DMD: variants seen among roughly 807,000 people sequenced by gnomAD.
DMD encodes mutant dystrophin.
Under a neutral mutation model 330.1 loss-of-function variants are expected in DMD, and 63 were observed. The observed-to-expected ratio is 0.19, with a 90% CI of 0.16 to 0.24. The LOEUF (loss-of-function observed/expected upper bound fraction) is 0.24, where lower values mean the gene tolerates loss of function less well. Ranked by LOEUF, DMD falls within the 10% of genes least tolerant of loss-of-function variation. The pLI is 1.00. For synonymous variants in DMD, 1,223 were observed against 959.8 expected, an observed-to-expected ratio of 1.27 and a Z score of -5.07; for missense variants, 3,344 against 2,684.1, an observed-to-expected ratio of 1.25 and a Z score of -5.43.
chrX:31,589,324 T>C (rs1212108772), intron 55 of DMD, among the ~76,000 whole-genome samples: 1 of 111,487 alleles, frequency 9.0e-6, no homozygotes, highest in Non-Finnish European at 1.9e-5. Flanking sequence ...CCTTTCTTCA[T>C]GCCTTCAGGC....
rs775899898 is a variant in DMD at position 31,182,813 on chromosome X, C to T, written c.9899G>A (p.Arg3300Lys). 8.3e-7 allele frequency: 1 copy of T among 1,209,225 alleles called. No homozygotes were observed. The highest frequency in any genetic ancestry group is 2.2e-5 in the Admixed American group (1 of 45,778). Residue 3300 changes from arginine (R) to lysine (K), a missense_variant, in exon 68 of 79, where the codon AGA (arginine) becomes AAA (lysine). Physicochemically the swap from Arg to Lys is conservative, Grantham distance 26. Coordinates refer to ENST00000357033, the MANE Select transcript of DMD (RefSeq NM_004006.3). ...QSMVWLPVLH[R>K]VAAAETAKHQ... ...CTTGGCAGTTTCTGCAGCAGCCACT[C>T]TGTGCAGGACGGGCAGCCACACCAT...
chrX:31,122,001 G>T, intron 78 of DMD, 71 bp from the exon 79 acceptor site: 1 of 835,630 alleles, frequency 1.2e-6, no homozygotes, highest in Non-Finnish European at 1.8e-6. Flanking sequence ...CTGTTTCTTT[G>T]CCATTTGGGA....
At chrX:32,252,835 T>A (rs1482773684) in intron 43 of DMD, among the ~76,000 whole-genome samples, 1 of 56,089 alleles carries the variant, frequency 1.8e-5, no homozygotes, top group African/African-American at 8.3e-5. Context: ...TATATATAAA[T>A]ATATATAAAT....
intron 2 of DMD, among the ~76,000 whole-genome samples, chrX:32,962,969 T>G (rs1308113470): frequency 1.8e-5 from 2 of 111,339 alleles, no homozygotes; most frequent in African/African-American, 6.5e-5. Context: ...CCTTCATGGA[T>G]CTACACAACC....
intron 44 of DMD, among the ~76,000 whole-genome samples, chrX:32,049,296 G>C (rs2096087959): frequency 9.0e-6 from 1 of 111,495 alleles, no homozygotes; most frequent in African/African-American, 3.3e-5. Context: ...TATTGGAAAT[G>C]AGTATGGAAA....
At chrX:32,581,253 A>C (rs768223799) in intron 13 of DMD, among the ~76,000 whole-genome samples, 1 of 112,437 alleles carries the variant, frequency 8.9e-6, no homozygotes, top group Admixed American at 9.4e-5. Flanking sequence ...ATACCTAATA[A>C]AATGCATAAG....
chrX:32,924,319 G>T (rs1440676003), intron 2 of DMD, among the ~76,000 whole-genome samples: 3 of 111,036 alleles, frequency 2.7e-5, no homozygotes, highest in Non-Finnish European at 5.7e-5. Flanking sequence ...CTTGAGGCCA[G>T]GAGTTCTAGA....
At chrX:32,235,682 A>G (rs913704329) in intron 43 of DMD, among the ~76,000 whole-genome samples, 1 of 111,348 alleles carries the variant, frequency 9.0e-6, no homozygotes, top group African/African-American at 3.3e-5. Flanking sequence ...TAACATGACA[A>G]CTGTTGAAAA....
intron 44 of DMD, among the ~76,000 whole-genome samples, chrX:32,012,502 T>C (rs1374999658): frequency 8.9e-6 from 1 of 111,962 alleles, no homozygotes; most frequent in Non-Finnish European, 1.9e-5. Flanking sequence ...TCCCTCATAA[T>C]TCTGAATTGT....
rs1298733875 is a variant in DMD at position 31,507,398 on chromosome X, T to A, written c.8273A>T (p.Asn2758Ile). Reference protein sequence around the residue: ...HTDVYHNLDENSQKILRSLEG... With the variant: ...HTDVYHNLDEISQKILRSLEG... Reference sequence around the variant, plus strand: ...CAGGGATCTCAGGATTTTTTGGCTGTTTTCATCCAGGTTGTGATAAACATC... The same window carrying A: ...CAGGGATCTCAGGATTTTTTGGCTGATTTCATCCAGGTTGTGATAAACATC... Residue 2758 changes from asparagine (N) to isoleucine (I), a missense_variant, in exon 56 of 79, where the codon AAC becomes ATC. Asn to Ile is a moderately radical substitution (Grantham distance 149). Coordinates refer to ENST00000357033, the MANE Select transcript of DMD (RefSeq NM_004006.3). 1 of 1,209,704 alleles carries A rather than the reference T, an allele frequency of 8.3e-7. No individual in the cohort carries two copies. The highest frequency in any genetic ancestry group is 1.7e-5 in the African/African-American group (1 of 57,296).
chrX:32,457,476 G>A lies in DMD; in HGVS notation c.3433-2644C>T, dbSNP rs781646634. Among the ~76,000 whole-genome samples, 20 of 110,982 alleles carry A rather than the reference G, an allele frequency of 1.8e-4. 1 individual carries two copies. Among genetic ancestry groups the A allele is most frequent in the Middle Eastern group, 9.2e-3 (2 of 218 alleles). On this transcript the variant is annotated intron_variant, in intron 25 of 78. Transcript: ENST00000357033. ...AATGATGGGAATGATGTAGCGTGGA[G>A]AAGATGTAGGAGGTAGAGGGCTGTT...
intron 11 of DMD, among the ~76,000 whole-genome samples, chrX:32,630,300 C>T (rs768881216): frequency 7.2e-5 from 8 of 111,238 alleles, no homozygotes; most frequent in Non-Finnish European, 1.3e-4. Flanking sequence ...TGCTGCCAGA[C>T]ATACTGGAGC....
intron 1 of DMD, among the ~76,000 whole-genome samples, chrX:33,030,773 C>G (rs1471144061): frequency 1.8e-5 from 2 of 111,159 alleles, no homozygotes; most frequent in East Asian, 5.7e-4. Context: ...TTCAAATTCT[C>G]CCCTGAAAAT....
intron 1 of DMD, among the ~76,000 whole-genome samples, chrX:33,026,877 C>G (rs920688137): frequency 7.1e-5 from 8 of 112,262 alleles, no homozygotes; most frequent in African/African-American, 2.6e-4. Flanking sequence ...AAGAGAGTGA[C>G]TGTCTGGATC....
rs968203350 is a variant in DMD at position 32,097,049 on chromosome X, T to C, written c.6438+119867A>G. ...GAAATAATCATTTAACCCCCATTAA[T>C]GAACATTTTTTTTGGATCAGTATCT... On this transcript the variant is annotated intron_variant, in intron 44 of 78. Transcript: ENST00000357033. Among the ~76,000 whole-genome samples, 14 of 111,642 alleles carry C rather than the reference T, an allele frequency of 1.3e-4. No homozygotes were observed. In the Admixed American group the frequency reaches 1.3e-3, roughly 11 times the overall value.
chrX:33,139,167 G>A (rs1226797017), intron 1 of DMD, among the ~76,000 whole-genome samples: 1 of 110,969 alleles, frequency 9.0e-6, no homozygotes, highest in Non-Finnish European at 1.9e-5. Context: ...AGATGTGGTG[G>A]CGCAACTGTA....
intron 51 of DMD, among the ~76,000 whole-genome samples, chrX:31,742,348 C>CA (rs1413491109): frequency 8.9e-6 from 1 of 112,807 alleles, no homozygotes; most frequent in Non-Finnish European, 1.9e-5. Flanking sequence ...ATGCCTTCCT[C>CA]ACCAATCTTA....
chrX:32,813,817 A>G (rs902195560), intron 6 of DMD, among the ~76,000 whole-genome samples: 1 of 111,744 alleles, frequency 8.9e-6, no homozygotes, highest in Middle Eastern at 4.6e-3. Context: ...AACTTGGTAA[A>G]AATTTAAAAT....
intron 55 of DMD, among the ~76,000 whole-genome samples, chrX:31,514,391 C>CT (rs1450103731): frequency 9.0e-6 from 1 of 111,289 alleles, no homozygotes; most frequent in African/African-American, 3.3e-5. Context: ...TTCTGAAGGG[C>CT]TTTTTCAAAT....
Sources: allele counts gnomAD v4.1 joint callset (sites outside exome capture counted in the v4.1 genomes callset), GRCh38; gene constraint gnomAD v4.1.1; transcripts MANE v1.5; gene names NCBI Gene and HGNC (gene_info 2026-07-23, HGNC 2026-07-21).